Variants in ADGRA3 observed in about 807,000 individuals in gnomAD.
The protein encoded by ADGRA3 is adhesion G protein-coupled receptor A3.
Under a neutral mutation model 119.8 loss-of-function variants are expected in ADGRA3, and 56 were observed. That is an observed-to-expected ratio of 0.47 (90% confidence interval 0.38 to 0.58). The LOEUF (loss-of-function observed/expected upper bound fraction) is 0.58, where lower values mean the gene tolerates loss of function less well. Ranked by LOEUF, ADGRA3 falls within the 20% of genes least tolerant of loss-of-function variation. The pLI, the probability that ADGRA3 is intolerant of heterozygous loss-of-function variation, is 0.00. For missense variants in ADGRA3, 1,516 were observed against 1,649.0 expected, an observed-to-expected ratio of 0.92 and a Z score of 1.40; for synonymous variants, 607 against 623.8, an observed-to-expected ratio of 0.97 and a Z score of 0.40.
intron 12 of ADGRA3, chr4:22,414,700 T>A (rs1715361826): frequency 1.1e-5 from 7 of 645,770 alleles, no homozygotes; most frequent in South Asian, 1.1e-4. Context: ...GTTCACCATA[T>A]AATTTGATGA....
intron 12 of ADGRA3, chr4:22,414,376 T>C (rs1715347363): frequency 5.0e-6 from 2 of 403,436 alleles, no homozygotes; most frequent in African/African-American, 2.1e-5. Context: ...AAAAAAATAA[T>C]AACACATAGG....
chr4:22,395,100 A>G (rs191582915), intron 16 of ADGRA3, among the ~76,000 whole-genome samples: 1 of 152,332 alleles, frequency 6.6e-6, no homozygotes, highest in Non-Finnish European at 1.5e-5. Context: ...AAGTAATCTA[A>G]TTCATAAGGC....
rs1195809164 is a variant in ADGRA3 at position 22,479,667 on chromosome 4, A to C, written c.258-5824T>G. ...CTGGGTATATACCCAAAGAATTATA[A>C]ATCATTCTACTATAGAGACACATGC... On this transcript the variant is annotated intron_variant, in intron 1 of 18. Transcript: ENST00000334304. 3.3e-5 allele frequency among the ~76,000 whole-genome samples: 5 copies of C among 152,250 alleles called. No individual in the cohort carries two copies. In the East Asian group the frequency reaches 9.7e-4, roughly 29 times the overall value.
chr4:22,402,575 T>G (rs980191735), intron 15 of ADGRA3, 100 bp downstream of exon 15: 6 of 1,202,376 alleles, frequency 5.0e-6, no homozygotes, highest in Admixed American at 2.1e-5. Context: ...ACTTTGGAAA[T>G]ACAGGATGAT....
At position 22,470,627 on chromosome 4, in the gene ADGRA3, C is replaced by T. The variant is rs78021053; in HGVS notation, c.329+3145G>A. Among the ~76,000 whole-genome samples the T allele has an allele frequency of 1.4e-4, 22 of 152,276 alleles. No homozygotes were observed. In the East Asian group the frequency reaches 3.3e-3, roughly 23 times the overall value. On this transcript the variant is annotated intron_variant, in intron 2 of 18. Coordinates refer to ENST00000334304, the MANE Select transcript of ADGRA3 (RefSeq NM_145290.4). ...TACCCTATCTGCTGTATTTTCAAGT[C>T]GTCCGGTTATTCTGTTCTCATCTTC...
rs1350431875 is a variant in ADGRA3, at chr4:22,455,397, T to C, written c.402-460A>G. On this transcript the variant is annotated intron_variant, in intron 3 of 18. Coordinates refer to ENST00000334304, the MANE Select transcript of ADGRA3 (RefSeq NM_145290.4). ...TGGAACTTTCATTTCCTCGGAAACATCTGAAAATACCACTTTCTGACTTCA... is the reference window on the plus strand; with the variant it reads ...TGGAACTTTCATTTCCTCGGAAACACCTGAAAATACCACTTTCTGACTTCA... Among the ~76,000 whole-genome samples, 5 of 152,068 alleles carry C rather than the reference T, an allele frequency of 3.3e-5. No individual in the cohort carries two copies. The South Asian group carries it at 8.3e-4, about 25-fold the overall frequency.
intron 10 of ADGRA3, among the ~76,000 whole-genome samples, chr4:22,427,005 T>C (rs1230517305): frequency 1.3e-5 from 2 of 152,178 alleles, no homozygotes; most frequent in African/African-American, 2.4e-5. Flanking sequence ...ATACAGATGC[T>C]AAACTAGTAA....
chr4:22,467,161 T>C (rs2109110801), intron 2 of ADGRA3, among the ~76,000 whole-genome samples: 1 of 152,324 alleles, frequency 6.6e-6, no homozygotes, highest in African/African-American at 2.4e-5. Flanking sequence ...GATGGCATAT[T>C]CTTAATAATT....
Position 22,502,895 on chromosome 4 carries a change from A to G in ADGRA3, c.257+12633T>C, listed in dbSNP as rs1392719863. ...ATTCTGACCAGTCCTACTTAAGGGA[A>G]AAAAAAAAAAAAAAAAAACAGTAAG... On this transcript the variant is annotated intron_variant, in intron 1 of 18. Transcript: ENST00000334304. Among the ~76,000 whole-genome samples, 11 of 3,582 alleles carry G rather than the reference A, an allele frequency of 3.1e-3. No individual in the cohort carries two copies. In the East Asian group the frequency reaches 0.25, roughly 81 times the overall value. 2.3% of individuals were successfully genotyped at this position (3,582 alleles called of 152,430 possible). A position where few individuals can be genotyped will look rare whatever the true frequency, so the allele number is the denominator to read the frequency against.
At chr4:22,458,854 G>C (rs1412600160) in intron 3 of ADGRA3, among the ~76,000 whole-genome samples, 1 of 152,180 alleles carries the variant, frequency 6.6e-6, no homozygotes, top group Admixed American at 6.5e-5. Flanking sequence ...ATGGGCAGAA[G>C]AGAAGAAAAC....
chr4:22,473,778 T>C lies in ADGRA3; in HGVS notation c.323A>G (p.Glu108Gly), dbSNP rs976832762. Residue 108 changes from glutamate to glycine, a missense_variant, in exon 2 of 19, where the codon GAA becomes GGA. By Grantham distance (98) the Glu-to-Gly change is moderately conservative. Coordinates refer to ENST00000334304, the MANE Select transcript of ADGRA3 (RefSeq NM_145290.4). ...NGSFSGLSLL[E>G]RLDLRNNLIS... Reference sequence around the variant, plus strand: ...ATAATTAAAGAATACTCACAATCTTTCAAGGAGACTTAACCCAGAAAATGA... The same window carrying C: ...ATAATTAAAGAATACTCACAATCTTCCAAGGAGACTTAACCCAGAAAATGA... The C allele has an allele frequency of 1.3e-6, 2 of 1,586,022 alleles. No individual in the cohort carries two copies. The highest frequency in any genetic ancestry group is 1.7e-6 in the Non-Finnish European group (2 of 1,158,720).
At position 22,444,956 on chromosome 4, in the gene ADGRA3, T is replaced by C. The variant is rs1372589306; in HGVS notation, c.706+17A>G. On this transcript the variant is annotated intron_variant, in intron 6 of 18. Transcript: ENST00000334304. ...AAAATATGGTAAATGCTTTCTCAGT[T>C]TGGATTTCTCCCTTACCGCATGTCA... The C allele has an allele frequency of 1.2e-6, 2 of 1,611,758 alleles. No homozygotes were observed. Among genetic ancestry groups the C allele is most frequent in the Non-Finnish European group, 8.5e-7 (1 of 1,179,456 alleles).
At chr4:22,406,319 T>C (rs1482009024) in intron 14 of ADGRA3, among the ~76,000 whole-genome samples, 17 of 152,206 alleles carry the variant, frequency 1.1e-4, no homozygotes. Context: ...ACTGATTTCC[T>C]TTCTTCTGAA....
Position 22,436,559 on chromosome 4 carries a change from G to C in ADGRA3, c.1168C>G (p.Pro390Ala). 1 of 1,613,914 alleles carries C rather than the reference G, an allele frequency of 6.2e-7. No homozygotes were observed. The change falls in exon 9 of 19, where the codon CCA (proline) becomes GCA (alanine). Residue 390 changes from proline (P) to alanine (A), a missense_variant. Pro to Ala is a conservative substitution (Grantham distance 27). Coordinates refer to ENST00000334304, the MANE Select transcript of ADGRA3 (RefSeq NM_145290.4). ...CGCCAAGCTTTTCTCTCATCCTGTG[G>C]GTTTCCGGGATATATCCCACTGCCA... is the stretch of plus-strand genomic sequence containing the variant. ...THGSGIYPGN[P>A]QDERKAWRRC...
intron 7 of ADGRA3, among the ~76,000 whole-genome samples, chr4:22,439,469 AAAT>A (rs1185889680): frequency 6.6e-5 from 10 of 152,330 alleles, no homozygotes; most frequent in Admixed American, 6.5e-4. Context: ...AAATGATAAG[AAAT>A]AATTAGACAG....
chr4:22,401,552 A>C lies in ADGRA3; in HGVS notation c.2360T>G (p.Leu787Trp). 3 of 1,601,424 alleles carry C rather than the reference A, an allele frequency of 1.9e-6. No individual in the cohort carries two copies. Among genetic ancestry groups the C allele is most frequent in the Non-Finnish European group, 2.6e-6 (3 of 1,172,446 alleles). Residue 787 changes from leucine to tryptophan, a missense_variant and splice_region_variant, in exon 16 of 19, where the codon TTG becomes TGG. Leu to Trp is a moderately conservative substitution (Grantham distance 61). This residue lies in a region of ADGRA3 where 1,088 missense variants were observed against 1,107.1 expected (regional missense o/e 0.98). Coordinates refer to ENST00000334304, the MANE Select transcript of ADGRA3 (RefSeq NM_145290.4). ...CCAGCTCTTGAGGCTGATTCTAATC[A>C]AACTGTTTAAAAAAGAGAGAAAATA... is the stretch of plus-strand genomic sequence containing the variant. ...VIVSYIYHHS[L>W]IRISLKSWHM...
chr4:22,472,047 T>C (rs1717875380), intron 2 of ADGRA3, among the ~76,000 whole-genome samples: 1 of 152,190 alleles, frequency 6.6e-6, no homozygotes, highest in South Asian at 2.1e-4. Flanking sequence ...GCCACATCAA[T>C]CTTAGGTGCC....
chr4:22,425,382 T>A lies in ADGRA3; in HGVS notation c.1444-1030A>T, dbSNP rs373503265. On this transcript the variant is annotated intron_variant, in intron 10 of 18. Coordinates refer to ENST00000334304, the MANE Select transcript of ADGRA3 (RefSeq NM_145290.4). ...ACTTCGTAACTTACAGATGTAAACA[T>A]CTGTCAGGAAATGCCACTGAAAAGT... 4.6e-5 allele frequency among the ~76,000 whole-genome samples: 7 copies of A among 152,294 alleles called. No individual in the cohort carries two copies. In the South Asian group the frequency reaches 1.4e-3, roughly 32 times the overall value.
At chr4:22,395,019 A>ATACAAC (rs1029625151) in intron 16 of ADGRA3, among the ~76,000 whole-genome samples, 4 of 152,226 alleles carry the variant, frequency 2.6e-5, no homozygotes, top group African/African-American at 9.6e-5. Flanking sequence ...TCTACATGAA[A>ATACAAC]TACAACCTTG....
Sources: gnomAD v4.1 joint callset for allele counts (sites outside exome capture counted in the v4.1 genomes callset) on GRCh38, gnomAD v4.1.1 for gene constraint, gnomAD v4.1.1 regional missense constraint, MANE v1.5 for transcripts, NCBI Gene and HGNC (gene_info 2026-07-23, HGNC 2026-07-21) for gene names.